The following SH3KBP1 variants were observed in gnomAD, a reference collection of about 807,000 sequenced individuals.
SH3KBP1 encodes SH3 domain containing kinase binding protein 1.
SH3KBP1 carries 8 observed loss-of-function variants against 50.1 expected under a neutral mutation model. The observed-to-expected ratio is 0.16, with a 90% CI of 0.09 to 0.29. The LOEUF is 0.29. Among genes scored for constraint, SH3KBP1 ranks in the 10% least tolerant of loss-of-function variants. The pLI is 1.00. For missense variants in SH3KBP1, 377 were observed against 535.2 expected, an observed-to-expected ratio of 0.70 and a Z score of 2.92; for synonymous variants, 227 against 218.6, an observed-to-expected ratio of 1.04 and a Z score of -0.34.
chrX:19,562,693 G>A (rs1045074072), intron 13 of SH3KBP1, among the ~76,000 whole-genome samples: 10 of 110,938 alleles, frequency 9.0e-5, no homozygotes, highest in African/African-American at 3.0e-4. Flanking sequence ...TACCAGGGGA[G>A]GCAGGACATG....
intron 7 of SH3KBP1, among the ~76,000 whole-genome samples, chrX:19,639,394 C>T (rs1208684674): frequency 9.0e-6 from 1 of 111,304 alleles, no homozygotes; most frequent in Non-Finnish European, 1.9e-5. Context: ...CTTGTCTCTA[C>T]AATGCAGCAG....
At chrX:19,580,354 A>G (rs924826315) in intron 12 of SH3KBP1, among the ~76,000 whole-genome samples, 3 of 110,360 alleles carry the variant, frequency 2.7e-5, no homozygotes, top group Non-Finnish European at 3.8e-5. Flanking sequence ...TCCATAGCCA[A>G]TTTCTCACAA....
intron 2 of SH3KBP1, among the ~76,000 whole-genome samples, chrX:19,835,640 G>A (rs143800354): frequency 0.041 from 4,307 of 105,806 alleles, 255 homozygotes; most frequent in African/African-American, 0.14. Context: ...GTGCAGTGGC[G>A]CAATCTCAGC....
At chrX:19,824,446 G>T (rs1336405579) in intron 2 of SH3KBP1, among the ~76,000 whole-genome samples, 1 of 111,372 alleles carries the variant, frequency 9.0e-6, no homozygotes, top group Admixed American at 9.6e-5. Context: ...CTTTTTAAAA[G>T]ATTCTAAGGC....
intron 2 of SH3KBP1, among the ~76,000 whole-genome samples, chrX:19,781,631 C>A (rs1373711669): frequency 5.7e-5 from 6 of 105,597 alleles, no homozygotes; most frequent in South Asian, 4.2e-4. Context: ...AAAAAAAAAA[C>A]AACTCATATG....
At chrX:19,761,659 A>C (rs188934385) in intron 2 of SH3KBP1, among the ~76,000 whole-genome samples, 1 of 111,795 alleles carries the variant, frequency 8.9e-6, no homozygotes, top group Non-Finnish European at 1.9e-5. Context: ...GCACAGCAGC[A>C]AATAGTAGAA....
chrX:19,561,630 C>T (rs768293647), intron 13 of SH3KBP1, among the ~76,000 whole-genome samples: 30 of 111,055 alleles, frequency 2.7e-4, no homozygotes, highest in African/African-American at 9.5e-4. Flanking sequence ...CACGTGTCTG[C>T]GCCAAGGTTA....
chrX:19,591,820 C>T, intron 11 of SH3KBP1, among the ~76,000 whole-genome samples: 1 of 112,203 alleles, frequency 8.9e-6, no homozygotes, highest in Non-Finnish European at 1.9e-5. Flanking sequence ...CATCAGGAAA[C>T]AGCAGCAATG....
chrX:19,760,037 T>TC (rs2065347010), intron 2 of SH3KBP1, among the ~76,000 whole-genome samples: 1 of 63,864 alleles, frequency 1.6e-5, no homozygotes, highest in African/African-American at 8.3e-5. Context: ...TCTCTCTCTC[T>TC]CTCCCTCTCT....
chrX:19,620,684 C>G (rs1274658332), intron 8 of SH3KBP1, among the ~76,000 whole-genome samples: 1 of 111,709 alleles, frequency 9.0e-6, no homozygotes. Context: ...AAGAGGTATT[C>G]CCAGGAAGAC....
At chrX:19,794,321 T>C (rs1280752531) in intron 2 of SH3KBP1, among the ~76,000 whole-genome samples, 1 of 110,430 alleles carries the variant, frequency 9.1e-6, no homozygotes, top group Non-Finnish European at 1.9e-5. Flanking sequence ...GGAGGCTCAC[T>C]TGAGCCCAGG....
chrX:19,793,305 G>GAAAAAA lies in SH3KBP1; in HGVS notation c.162+42814_162+42819dup, dbSNP rs1276369664. ...AGAGCAAGCAAGACATTGTCTCAAG[G>GAAAAAA]AAAAAAAAATATATATATATATATA... On this transcript the variant is annotated intron_variant, in intron 2 of 17. Transcript: ENST00000397821. 2.2e-3 allele frequency among the ~76,000 whole-genome samples: 210 copies of GAAAAAA among 94,529 alleles called. 4 individuals carry two copies. The highest frequency in any genetic ancestry group is 8.5e-3 in the African/African-American group (201 of 23,678). The allele number at this position is 94,529 out of a possible 115,157, so 82.1% of individuals were successfully genotyped here.
chrX:19,729,636 G>C (rs2064314934), intron 3 of SH3KBP1, among the ~76,000 whole-genome samples: 1 of 111,678 alleles, frequency 9.0e-6, no homozygotes, highest in Non-Finnish European at 1.9e-5. Context: ...CTGTGAAAAG[G>C]TAACTAAGAG....
intron 1 of SH3KBP1, among the ~76,000 whole-genome samples, chrX:19,870,398 A>G (rs1384661523): frequency 1.8e-5 from 2 of 109,369 alleles, no homozygotes; most frequent in African/African-American, 6.7e-5. Context: ...GCTGGAGTGC[A>G]GTGGCACGAT....
chrX:19,705,387 C>T (rs2063631818), intron 4 of SH3KBP1, among the ~76,000 whole-genome samples: 1 of 111,955 alleles, frequency 8.9e-6, no homozygotes, highest in Non-Finnish European at 1.9e-5. Flanking sequence ...TTAGTCACAT[C>T]TGTTTATTTT....
At chrX:19,672,167 G>A (rs928052819) in intron 6 of SH3KBP1, among the ~76,000 whole-genome samples, 4 of 111,693 alleles carry the variant, frequency 3.6e-5, no homozygotes, top group South Asian at 3.7e-4. Flanking sequence ...TATAATACAA[G>A]TGCTACAGAA....
At chrX:19,572,599 G>T (rs781572383) in intron 12 of SH3KBP1, among the ~76,000 whole-genome samples, 1 of 108,501 alleles carries the variant, frequency 9.2e-6, no homozygotes, top group African/African-American at 3.4e-5. Flanking sequence ...TCATTCTGTC[G>T]CCCAGGCTGG....
intron 4 of SH3KBP1, among the ~76,000 whole-genome samples, chrX:19,704,422 G>T (rs749508886): frequency 8.9e-6 from 1 of 112,400 alleles, no homozygotes; most frequent in South Asian, 3.6e-4. Context: ...TTGACTTGTG[G>T]TTTTTCTTAA....
At chrX:19,603,893 G>A (rs944075233) in intron 9 of SH3KBP1, among the ~76,000 whole-genome samples, 3 of 111,358 alleles carry the variant, frequency 2.7e-5, no homozygotes, top group African/African-American at 9.8e-5. Flanking sequence ...TTGCTATGTT[G>A]CCCAGGTTGG....
Sources: gnomAD v4.1 joint callset for allele counts (sites outside exome capture counted in the v4.1 genomes callset) on GRCh38, gnomAD v4.1.1 for gene constraint, MANE v1.5 for transcripts, NCBI Gene and HGNC (gene_info 2026-07-23, HGNC 2026-07-21) for gene names.